HECTD4: variants seen among roughly 807,000 people sequenced by gnomAD.
The protein encoded by HECTD4 is HECT domain E3 ubiquitin protein ligase 4.
In HECTD4, 114 loss-of-function variants were observed where a neutral mutation model predicts 471.5. The observed-to-expected ratio is 0.24, with a 90% CI of 0.21 to 0.28. HECTD4 has a LOEUF of 0.28. HECTD4 is among the 10% of genes least tolerant of loss of function. The pLI, the probability that HECTD4 is intolerant of heterozygous loss-of-function variation, is 1.00. For synonymous variants in HECTD4, 2,012 were observed against 2,256.0 expected, an observed-to-expected ratio of 0.89 and a Z score of 3.07; for missense variants, 3,866 against 5,651.5, an observed-to-expected ratio of 0.68 and a Z score of 10.13.
intron 1 of HECTD4, among the ~76,000 whole-genome samples, chr12:112,350,499 C>T (rs551155212): frequency 6.6e-6 from 1 of 152,180 alleles, no homozygotes; most frequent in South Asian, 2.1e-4. Context: ...GTTTAAAGTA[C>T]CCATGTTGTT....
intron 17 of HECTD4, among the ~76,000 whole-genome samples, chr12:112,262,964 C>T (rs1349011238): frequency 1.3e-5 from 2 of 152,160 alleles, no homozygotes; most frequent in Non-Finnish European, 2.9e-5. Context: ...AGAGTAGGAA[C>T]TCTGAACTAA....
intron 11 of HECTD4, among the ~76,000 whole-genome samples, chr12:112,272,771 G>A (rs1015448856): frequency 3.3e-5 from 5 of 151,104 alleles, no homozygotes; most frequent in Non-Finnish European, 7.4e-5. Context: ...TGAGCCACTG[G>A]TCTCTGTTTG....
At chr12:112,254,300 C>T in intron 21 of HECTD4, 138 bp from the exon 22 acceptor site, 2 of 1,090,794 alleles carry the variant, frequency 1.8e-6, no homozygotes, top group Non-Finnish European at 2.5e-6. Context: ...ACTAATATTT[C>T]CCGATTTTTT....
chr12:112,302,999 T>TG (rs35152500), intron 7 of HECTD4, among the ~76,000 whole-genome samples: 3 of 138,524 alleles, frequency 2.2e-5, no homozygotes, highest in African/African-American at 8.4e-5. Flanking sequence ...TTTTTTTTTT[T>TG]AACAGTTCAG....
intron 21 of HECTD4, among the ~76,000 whole-genome samples, chr12:112,255,509 C>T (rs1014408531): frequency 6.6e-6 from 1 of 152,092 alleles, no homozygotes; most frequent in Non-Finnish European, 1.5e-5. Context: ...TTATTTTTAA[C>T]CTAAAAACCT....
In HECTD4 at chr12:112,243,327, A is replaced by C. The variant is rs747472288; in HGVS notation, c.4958+26T>G. 3 of 1,598,214 alleles carry C rather than the reference A, an allele frequency of 1.9e-6. No homozygotes were observed. Among genetic ancestry groups the C allele is most frequent in the African/African-American group, 2.7e-5 (2 of 74,566 alleles). ...TGGCTCTGACCATTCTAGAAAGGAC[A>C]GTATAAACTAACAGAAACAACTAAC... On this transcript the variant is annotated intron_variant, in intron 32 of 75. Transcript: ENST00000682272. The surrounding 1 kb of genome is among the most constrained non-coding windows in gnomAD (Gnocchi z 6.6).
chr12:112,368,076 T>G (rs1376519006), intron 1 of HECTD4, among the ~76,000 whole-genome samples: 1 of 152,190 alleles, frequency 6.6e-6, no homozygotes, highest in African/African-American at 2.4e-5. Context: ...TTAGCATTAC[T>G]AAACCTACAA....
Position 112,231,620 on chromosome 12 carries a change from T to C in HECTD4, c.6093A>G (p.Pro2031=), listed in dbSNP as rs1593956750. Residue 2031 remains proline (P), a synonymous_variant, in exon 39 of 76, where the codon CCA becomes CCG. Coordinates refer to ENST00000682272, the MANE Select transcript of HECTD4 (RefSeq NM_001388303.1). ...TCTCTGGGTTGATAGACTCTACAGG[T>C]GGCCCAATGCTGACGATGAGGCCTG... The part of the protein sequence containing the change: ...AQSGLIVSIG[P]PVESINPETV... 6.2e-7 allele frequency: 1 copy of C among 1,613,956 alleles called. No homozygotes were observed. The highest frequency in any genetic ancestry group is 1.1e-5 in the South Asian group (1 of 91,082).
intron 1 of HECTD4, among the ~76,000 whole-genome samples, chr12:112,360,321 C>T (rs533226264): frequency 1.3e-5 from 2 of 152,194 alleles, no homozygotes; most frequent in East Asian, 1.9e-4. Context: ...CAGAGTGAGA[C>T]CCTGTCTCTA....
In HECTD4 at chr12:112,319,836, A is replaced by G; in HGVS notation, c.178-94T>C. 1.2e-6 allele frequency: 1 copy of G among 867,538 alleles called. No individual in the cohort carries two copies. Among genetic ancestry groups the G allele is most frequent in the Non-Finnish European group, 1.5e-6 (1 of 654,314 alleles). 53.7% of individuals were successfully genotyped at this position (867,538 alleles called of 1,614,324 possible). A position where few individuals can be genotyped will look rare whatever the true frequency, so the allele number is the denominator to read the frequency against. On this transcript the variant is annotated intron_variant, in intron 1 of 75. Coordinates refer to ENST00000682272, the MANE Select transcript of HECTD4 (RefSeq NM_001388303.1). The surrounding 1 kb of genome is among the most constrained non-coding windows in gnomAD (Gnocchi z 5.3). ...TGTTTAATGATATCCCAAAATAGTC[A>G]ACGCCAAAAATTATTTTAATTACAA...
rs887659150 is a variant in HECTD4 at position 112,222,126 on chromosome 12, C to G, written c.6971-2637G>C. On this transcript the variant is annotated intron_variant, in intron 44 of 75. Transcript: ENST00000682272. Reference sequence around the variant, plus strand: ...TTTAGTAGAGACGGGGTTTCACTATCTTGGCCAGGCAGTCTTGAACTCCTG... The same window carrying G: ...TTTAGTAGAGACGGGGTTTCACTATGTTGGCCAGGCAGTCTTGAACTCCTG... Among the ~76,000 whole-genome samples, 7 of 152,072 alleles carry G rather than the reference C, an allele frequency of 4.6e-5. No individual in the cohort carries two copies. The South Asian group carries it at 1.5e-3, about 32-fold the overall frequency.
chr12:112,379,979 T>A lies in HECTD4; in HGVS notation c.177+1973A>T, dbSNP rs11066280. On this transcript the variant is annotated intron_variant, in intron 1 of 75. Coordinates refer to ENST00000682272, the MANE Select transcript of HECTD4 (RefSeq NM_001388303.1). ...AGAGGTTCTTTCCTTTGAAAACCAT[T>A]CTTCTGTGGAAATAGCTGACAAATT... 9.5e-3 allele frequency among the ~76,000 whole-genome samples: 1,438 copies of A among 151,826 alleles called. 171 individuals are homozygous for A. The East Asian group carries it at 0.25, about 27-fold the overall frequency.
chr12:112,267,556 T>G (rs1333646687), intron 13 of HECTD4, among the ~76,000 whole-genome samples: 1 of 152,082 alleles, frequency 6.6e-6, no homozygotes, highest in Non-Finnish European at 1.5e-5. Flanking sequence ...ATAAGTGGCA[T>G]CCCTCTCCTC....
At chr12:112,357,442 T>C (rs1271098689) in intron 1 of HECTD4, among the ~76,000 whole-genome samples, 1 of 152,088 alleles carries the variant, frequency 6.6e-6, no homozygotes, top group Non-Finnish European at 1.5e-5. Context: ...GGTGGGAAGA[T>C]AGCTTGAGTC....
At chr12:112,204,033 T>C (rs1386487769) in intron 53 of HECTD4, among the ~76,000 whole-genome samples, 2 of 152,198 alleles carry the variant, frequency 1.3e-5, no homozygotes, top group Non-Finnish European at 2.9e-5. Flanking sequence ...CAGTTTAAAA[T>C]GGGCAAAGAA....
intron 66 of HECTD4, among the ~76,000 whole-genome samples, chr12:112,174,439 A>G (rs1182709420): frequency 6.7e-6 from 1 of 148,746 alleles, no homozygotes; most frequent in African/African-American, 2.5e-5. Context: ...CTGGTAGTAG[A>G]GACAGGGTTT....
chr12:112,167,228 C>T (rs558385260), intron 72 of HECTD4, 89 bp downstream of exon 72: 23 of 1,172,226 alleles, frequency 2.0e-5, no homozygotes, highest in East Asian at 9.5e-5. Flanking sequence ...CCAGCCTCAG[C>T]GGGGAGCTCG....
At chr12:112,367,959 G>A (rs1192928349) in intron 1 of HECTD4, among the ~76,000 whole-genome samples, 1 of 150,736 alleles carries the variant, frequency 6.6e-6, no homozygotes, top group East Asian at 2.0e-4. Flanking sequence ...AAACTACAGA[G>A]CACAAAGCAA....
intron 11 of HECTD4, among the ~76,000 whole-genome samples, chr12:112,272,786 C>T (rs1167645223): frequency 1.3e-5 from 2 of 152,182 alleles, no homozygotes; most frequent in Non-Finnish European, 2.9e-5. Context: ...TGTTTGTTTG[C>T]CACCAAGATG....
Sources: allele counts gnomAD v4.1 joint callset (sites outside exome capture counted in the v4.1 genomes callset), GRCh38; gene constraint gnomAD v4.1.1; non-coding constraint Gnocchi (gnomAD v3.1); transcripts MANE v1.5; gene names NCBI Gene and HGNC (gene_info 2026-07-23, HGNC 2026-07-21).